SPAG16: variants seen among roughly 807,000 people sequenced by gnomAD.
The protein encoded by SPAG16 is sperm-associated antigen 16 protein.
SPAG16 carries 86 observed loss-of-function variants against 80.4 expected under a neutral mutation model. The ratio of observed to expected loss-of-function variants is 1.07; its 90% CI spans 0.90 to 1.28. The LOEUF (loss-of-function observed/expected upper bound fraction) is 1.28. Ranked by LOEUF, SPAG16 falls within the 50% of genes most tolerant of loss-of-function variation. The pLI, the probability that SPAG16 is intolerant of heterozygous loss-of-function variation, is 0.00. For missense variants in SPAG16, 870 were observed against 765.3 expected, an observed-to-expected ratio of 1.14 and a Z score of -1.61; for synonymous variants, 294 against 265.9, an observed-to-expected ratio of 1.11 and a Z score of -1.03.
Position 213,862,520 on chromosome 2 carries a change from C to T in SPAG16, c.1106C>T (p.Ser369Phe). 6.2e-7 allele frequency: 1 copy of T among 1,614,136 alleles called. No individual in the cohort carries two copies. The highest frequency in any genetic ancestry group is 8.5e-7 in the Non-Finnish European group (1 of 1,179,994). Residue 369 changes from serine to phenylalanine, a missense_variant, in exon 11 of 16, where the codon TCC becomes TTC. Ser to Phe is a radical substitution (Grantham distance 155, BLOSUM62 -2). Coordinates refer to ENST00000331683, the MANE Select transcript of SPAG16 (RefSeq NM_024532.5). ...CAACCCCACAAAGACATCCTAGTCT[C>T]CTGTGGCGAGGACCGACTCTGGAAG... is the stretch of plus-strand genomic sequence containing the variant. ...SMQPHKDILV[S>F]CGEDRLWKVL...
At chr2:214,243,335 A>C (rs1283830268) in intron 15 of SPAG16, among the ~76,000 whole-genome samples, 5 of 152,150 alleles carry the variant, frequency 3.3e-5, no homozygotes, top group Non-Finnish European at 5.9e-5. Context: ...TGATTATAAT[A>C]TACAAGCTTG....
intron 5 of SPAG16, among the ~76,000 whole-genome samples, 197 bp from the exon 6 acceptor site, chr2:213,339,966 C>T (rs1362889728): frequency 1.3e-5 from 2 of 151,974 alleles, no homozygotes. Flanking sequence ...CAGGTTTTGC[C>T]CTTTCATCCT....
chr2:213,494,273 C>T (rs190202080), intron 10 of SPAG16, among the ~76,000 whole-genome samples: 8 of 152,310 alleles, frequency 5.3e-5, no homozygotes, highest in Admixed American at 2.0e-4. Flanking sequence ...ATGGTGGTGT[C>T]TCCACCATGA....
chr2:214,105,727 G>T (rs1277312871), intron 13 of SPAG16, among the ~76,000 whole-genome samples: 2 of 152,068 alleles, frequency 1.3e-5, no homozygotes, highest in African/African-American at 4.8e-5. Flanking sequence ...TCAAAGAAGA[G>T]ATTCCAAATT....
At chr2:213,800,590 G>C (rs2071336047) in intron 10 of SPAG16, among the ~76,000 whole-genome samples, 1 of 152,012 alleles carries the variant, frequency 6.6e-6, no homozygotes, top group Non-Finnish European at 1.5e-5. Context: ...GCCGAGGCTG[G>C]CATTTATTCT....
chr2:214,180,363 A>G (rs2057272612), intron 15 of SPAG16, among the ~76,000 whole-genome samples: 1 of 151,676 alleles, frequency 6.6e-6, no homozygotes. Context: ...ACAGTGATCT[A>G]TGAGTTAACA....
chr2:214,115,603 GCA>G (rs1400101714), intron 14 of SPAG16, among the ~76,000 whole-genome samples: 1 of 152,164 alleles, frequency 6.6e-6, no homozygotes, highest in African/African-American at 2.4e-5. Context: ...CCTCAACTGG[GCA>G]CAGTGGCTCA....
chr2:213,374,875 T>C, intron 8 of SPAG16, 135 bp from the exon 9 acceptor site: 1 of 625,402 alleles, frequency 1.6e-6, no homozygotes, highest in Middle Eastern at 4.5e-4. Flanking sequence ...TTTGGTATGG[T>C]TTGGGTATCA....
intron 10 of SPAG16, among the ~76,000 whole-genome samples, chr2:213,602,026 C>T (rs2061083962): frequency 6.6e-6 from 1 of 152,196 alleles, no homozygotes; most frequent in African/African-American, 2.4e-5. Context: ...AAGGTTTGCA[C>T]ACCTGTGAGA....
intron 10 of SPAG16, among the ~76,000 whole-genome samples, chr2:213,543,871 T>C (rs898407934): frequency 1.3e-5 from 2 of 152,130 alleles, no homozygotes; most frequent in Non-Finnish European, 2.9e-5. Flanking sequence ...GTGTTGAATT[T>C]ATAAGTTAAT....
chr2:213,963,030 A>G (rs2044531261), intron 12 of SPAG16, among the ~76,000 whole-genome samples: 2 of 144,158 alleles, frequency 1.4e-5, no homozygotes, highest in Admixed American at 6.9e-5. Context: ...TATAATCACT[A>G]TTTCATTATT....
At chr2:214,159,183 T>C (rs528646495) in intron 15 of SPAG16, among the ~76,000 whole-genome samples, 80 of 152,126 alleles carry the variant, frequency 5.3e-4, no homozygotes, top group African/African-American at 1.8e-3. Context: ...GATGACATTC[T>C]TCATACATAC....
chr2:213,448,523 C>T (rs1029971181), intron 9 of SPAG16, among the ~76,000 whole-genome samples: 7 of 152,012 alleles, frequency 4.6e-5, no homozygotes, highest in African/African-American at 9.7e-5. Flanking sequence ...TTTAGTGTGC[C>T]GTACCAGTTA....
At chr2:213,441,202 C>T (rs2070930655) in intron 9 of SPAG16, among the ~76,000 whole-genome samples, 1 of 152,148 alleles carries the variant, frequency 6.6e-6, no homozygotes, top group African/African-American at 2.4e-5. Flanking sequence ...CATATAAGCA[C>T]ATTCAACATA....
chr2:213,703,267 G>GAC (rs1356782279), intron 10 of SPAG16, among the ~76,000 whole-genome samples: 17 of 152,148 alleles, frequency 1.1e-4, no homozygotes, highest in Non-Finnish European at 1.0e-4. Context: ...AGACTGTCTT[G>GAC]ACTGATACAG....
At chr2:214,275,282 G>T (rs1442214111) in intron 15 of SPAG16, among the ~76,000 whole-genome samples, 1 of 152,018 alleles carries the variant, frequency 6.6e-6, no homozygotes, top group Non-Finnish European at 1.5e-5. Flanking sequence ...AGGGTTTTTT[G>T]TGTCTCTATC....
At chr2:214,263,478 CT>C (rs1230224468) in intron 15 of SPAG16, among the ~76,000 whole-genome samples, 1 of 152,156 alleles carries the variant, frequency 6.6e-6, no homozygotes, top group East Asian at 1.9e-4. Context: ...TTTCAGAGTA[CT>C]TTTGCATATA....
At chr2:213,926,132 A>G (rs952169716) in intron 11 of SPAG16, among the ~76,000 whole-genome samples, 2 of 152,162 alleles carry the variant, frequency 1.3e-5, no homozygotes, top group African/African-American at 2.4e-5. Context: ...GATTAGGAAA[A>G]TATACTTTTT....
chr2:213,308,141 AT>A (rs1244734512), intron 3 of SPAG16, among the ~76,000 whole-genome samples: 2 of 152,222 alleles, frequency 1.3e-5, no homozygotes, highest in East Asian at 1.9e-4. Context: ...TGATTGTTTT[AT>A]TTTTTTAATT....
Sources: allele counts gnomAD v4.1 joint callset (sites outside exome capture counted in the v4.1 genomes callset), GRCh38; gene constraint gnomAD v4.1.1; transcripts MANE v1.5; gene names NCBI Gene and HGNC (gene_info 2026-07-23, HGNC 2026-07-21).